The following TENM2 variants were observed in gnomAD, a reference collection of about 807,000 sequenced individuals.
The protein encoded by TENM2 is teneurin transmembrane protein 2.
TENM2 carries 52 observed loss-of-function variants against 245.2 expected under a neutral mutation model. The observed-to-expected ratio is 0.21, with a 90% CI of 0.17 to 0.27. The LOEUF (loss-of-function observed/expected upper bound fraction) is 0.27, where lower values mean the gene tolerates loss of function less well. TENM2 is among the 10% of genes least tolerant of loss of function. TENM2 has a pLI of 1.00. For synonymous variants in TENM2, 1,363 were observed against 1,438.9 expected, an observed-to-expected ratio of 0.95 and a Z score of 1.19; for missense variants, 3,046 against 3,666.8, an observed-to-expected ratio of 0.83 and a Z score of 4.37.
intron 5 of TENM2, among the ~76,000 whole-genome samples, chr5:168,025,439 T>C (rs985470400): frequency 2.0e-5 from 3 of 152,228 alleles, no homozygotes; most frequent in African/African-American, 7.2e-5. Flanking sequence ...TCTTCATATA[T>C]GTTAGTGTTG....
intron 1 of TENM2, among the ~76,000 whole-genome samples, chr5:167,344,906 T>C (rs146050083): frequency 1.0e-3 from 153 of 152,258 alleles, no homozygotes; most frequent in African/African-American, 3.4e-3. Flanking sequence ...AATGCCCATT[T>C]TGAGCTTCCA....
intron 2 of TENM2, among the ~76,000 whole-genome samples, chr5:167,783,877 C>A (rs1764380268): frequency 6.6e-6 from 1 of 151,990 alleles, no homozygotes; most frequent in Non-Finnish European, 1.5e-5. Context: ...CCCGGGGGGA[C>A]TTGACCAGGG....
At chr5:167,009,737 GTA>G in the TENM2 span, among the ~76,000 whole-genome samples, 2 of 152,070 alleles carry the variant, frequency 1.3e-5, no homozygotes, top group Non-Finnish European at 2.9e-5. Context: ...CCTGTGATAT[GTA>G]TGTTTCCTAA....
intron 18 of TENM2, among the ~76,000 whole-genome samples, 156 bp from the exon 21 acceptor site, chr5:168,204,216 C>G (rs185741931): frequency 1.3e-5 from 2 of 152,008 alleles, no homozygotes; most frequent in African/African-American, 4.8e-5. Context: ...GGGTCCACCT[C>G]TCCCACTGCA....
At chr5:167,381,032 T>G (rs1761069958) in intron 2 of TENM2, among the ~76,000 whole-genome samples, 1 of 152,120 alleles carries the variant, frequency 6.6e-6, no homozygotes, top group Non-Finnish European at 1.5e-5. Context: ...ATAAGTTTTC[T>G]ACAGACAATT....
intron 26 of TENM2, among the ~76,000 whole-genome samples, chr5:168,245,285 C>G (rs1766452752): frequency 6.6e-6 from 1 of 151,962 alleles, no homozygotes; most frequent in Non-Finnish European, 1.5e-5. Flanking sequence ...TTGTCTGATT[C>G]TATTTCAAAA....
intron 3 of TENM2, among the ~76,000 whole-genome samples, chr5:167,897,895 T>C (rs1314732218): frequency 6.7e-6 from 1 of 148,832 alleles, no homozygotes; most frequent in Non-Finnish European, 1.5e-5. Flanking sequence ...AAATTGTTTT[T>C]TTTTTTTTTT....
intron 2 of TENM2, among the ~76,000 whole-genome samples, chr5:167,853,607 T>C (rs1227371118): frequency 1.3e-5 from 2 of 152,160 alleles, no homozygotes; most frequent in Non-Finnish European, 2.9e-5. Context: ...TTATGTTTCT[T>C]TACAAGACTT....
At chr5:167,035,236 AAG>A in the TENM2 span, among the ~76,000 whole-genome samples, 2 of 152,204 alleles carry the variant, frequency 1.3e-5, no homozygotes, top group Non-Finnish European at 2.9e-5. Flanking sequence ...GGAAAAAAAA[AAG>A]AAAACTGGAA....
At chr5:167,838,213 C>A (rs534158464) in intron 2 of TENM2, among the ~76,000 whole-genome samples, 1 of 152,202 alleles carries the variant, frequency 6.6e-6, no homozygotes, top group Non-Finnish European at 1.5e-5. Flanking sequence ...ATCTGATTAC[C>A]TGGCTCAAAT....
chr5:167,544,637 C>A (rs1216753968), intron 2 of TENM2, among the ~76,000 whole-genome samples: 1 of 152,146 alleles, frequency 6.6e-6, no homozygotes, highest in African/African-American at 2.4e-5. Flanking sequence ...TTCATTAATT[C>A]ATCTACTTAT....
the TENM2 span, among the ~76,000 whole-genome samples, chr5:167,062,988 C>T: frequency 6.6e-6 from 1 of 152,166 alleles, no homozygotes; most frequent in Non-Finnish European, 1.5e-5. Flanking sequence ...AGAAGTCAGA[C>T]CCCCTTCTAG....
chr5:168,209,843 A>G (rs958237689), intron 19 of TENM2, among the ~76,000 whole-genome samples: 2 of 152,168 alleles, frequency 1.3e-5, no homozygotes, highest in African/African-American at 4.8e-5. Context: ...GTCATGTCCT[A>G]TTCACAAAGA....
At position 167,632,616 on chromosome 5, in the gene TENM2, A is replaced by G. The variant is rs192964103; in HGVS notation, c.503-243370A>G. 2.0e-5 allele frequency among the ~76,000 whole-genome samples: 3 copies of G among 152,196 alleles called. No individual in the cohort carries two copies. The East Asian group carries it at 5.8e-4, about 29-fold the overall frequency. ...TGTTTATTTTGTTGCTTTACTTTGG[A>G]CTTCATTTGGAGCACACCAGTATAG... is the stretch of plus-strand genomic sequence containing the variant. On this transcript the variant is annotated intron_variant, in intron 2 of 28. Coordinates refer to ENST00000518659, the Ensembl canonical transcript of TENM2.
the TENM2 span, among the ~76,000 whole-genome samples, chr5:167,239,889 C>T: frequency 6.6e-6 from 1 of 152,152 alleles, no homozygotes; most frequent in Non-Finnish European, 1.5e-5. Flanking sequence ...TCTCCTGCCT[C>T]AATCTCCCAA....
At chr5:168,193,282 A>G (rs896036145) in intron 14 of TENM2, among the ~76,000 whole-genome samples, 12 of 152,230 alleles carry the variant, frequency 7.9e-5, no homozygotes, top group African/African-American at 2.7e-4. Context: ...ACAAATAACG[A>G]AGGACAAAGC....
chr5:167,131,872 G>C, the TENM2 span, among the ~76,000 whole-genome samples: 1 of 152,088 alleles, frequency 6.6e-6, no homozygotes, highest in Non-Finnish European at 1.5e-5. Context: ...ACCCAGGCTG[G>C]AGTGCAATGG....
intron 2 of TENM2, among the ~76,000 whole-genome samples, chr5:167,619,900 T>C (rs1196290109): frequency 6.6e-6 from 1 of 152,118 alleles, no homozygotes; most frequent in African/African-American, 2.4e-5. Context: ...TCATGGTAGG[T>C]GGACAAAAAT....
chr5:167,044,576 T>C, the TENM2 span, among the ~76,000 whole-genome samples: 2 of 151,962 alleles, frequency 1.3e-5, no homozygotes, highest in African/African-American at 4.8e-5. Flanking sequence ...TGAGATCACA[T>C]AGAGAGTTAG....
Sources: gnomAD v4.1 joint callset for allele counts (sites outside exome capture counted in the v4.1 genomes callset) on GRCh38, gnomAD v4.1.1 for gene constraint, MANE v1.5 for transcripts, NCBI Gene and HGNC (gene_info 2026-07-23, HGNC 2026-07-21) for gene names.